ZDHHC11: variants seen among roughly 807,000 people sequenced by gnomAD.
ZDHHC11 encodes zDHHC palmitoyltransferase 11.
A neutral mutation model predicts 51.3 loss-of-function variants in ZDHHC11; 44 were observed. The observed-to-expected ratio is 0.86, with a 90% CI of 0.67 to 1.10. ZDHHC11 has a LOEUF of 1.10. Among genes scored for constraint, ZDHHC11 ranks in the 50% least tolerant of loss-of-function variants. The probability of loss-of-function intolerance (pLI) is 0.00; values close to 1 mark genes in which losing one functional copy is unlikely to be tolerated. For synonymous variants in ZDHHC11, 163 were observed against 222.0 expected, an observed-to-expected ratio of 0.73 and a Z score of 2.36; for missense variants, 400 against 537.7, an observed-to-expected ratio of 0.74 and a Z score of 2.53.
chr5:818,168 C>A (rs1316890254), intron 10 of ZDHHC11, among the ~76,000 whole-genome samples: 1 of 151,166 alleles, frequency 6.6e-6, no homozygotes, highest in Non-Finnish European at 1.5e-5. Flanking sequence ...AAATCGTCAT[C>A]TACACCGAGA....
chr5:855,892 T>C (rs1160175206), upstream of ZDHHC11, among the ~76,000 whole-genome samples: 3 of 114,374 alleles, frequency 2.6e-5, no homozygotes, highest in Non-Finnish European at 5.3e-5. Context: ...CAGAGGACAG[T>C]GAGCAGTGGG....
intron 7 of ZDHHC11, among the ~76,000 whole-genome samples, chr5:827,118 C>G (rs1180949099): frequency 6.7e-5 from 10 of 149,108 alleles, no homozygotes; most frequent in African/African-American, 2.5e-4. Flanking sequence ...ATTTTGTATT[C>G]AGCAAAACTA....
Position 800,997 on chromosome 5 carries a change from G to A in ZDHHC11, c.*7+103C>T, listed in dbSNP as rs1191654322. On this transcript the variant is annotated intron_variant, in intron 12 of 12. Transcript: ENST00000283441. Reference sequence around the variant, plus strand: ...CAAGAGACAAACGACAAGCAGCCCAGCCCTTGAGTTTGCACTGGTGATTTT... The same window carrying A: ...CAAGAGACAAACGACAAGCAGCCCAACCCTTGAGTTTGCACTGGTGATTTT... The A allele has an allele frequency of 1.8e-5, 24 of 1,357,104 alleles. 1 individual carries two copies. In the South Asian group the frequency reaches 2.2e-4, roughly 13 times the overall value. 84.1% of individuals were successfully genotyped at this position (1,357,104 alleles called of 1,614,324 possible).
Position 796,423 on chromosome 5 carries a change from G to A in ZDHHC11, c.*165C>T, listed in dbSNP as rs1369184907. 4.0e-5 allele frequency: 6 copies of A among 149,536 alleles called. No homozygotes were observed. The highest frequency in any genetic ancestry group is 1.5e-4 in the African/African-American group (6 of 40,566). 9.3% of individuals were successfully genotyped at this position (149,536 alleles called of 1,614,324 possible). ...GGGCTCTGAGGGTCCTGGTTCCTTCGAAGGACATCCAGGGGCCTCTGAGAT... is the reference window on the plus strand; with the variant it reads ...GGGCTCTGAGGGTCCTGGTTCCTTCAAAGGACATCCAGGGGCCTCTGAGAT... On this transcript the variant is annotated 3_prime_UTR_variant, in exon 13 of 13. Transcript: ENST00000283441.
chr5:798,460 G>C (rs1306109539), intron 12 of ZDHHC11, among the ~76,000 whole-genome samples: 1 of 151,164 alleles, frequency 6.6e-6, no homozygotes, highest in Admixed American at 6.7e-5. Flanking sequence ...AGCATTGTCC[G>C]ATCCTTGTAA....
At chr5:816,188 TC>T (rs57168940) in intron 10 of ZDHHC11, among the ~76,000 whole-genome samples, 30,992 of 150,970 alleles carry the variant, frequency 0.21, 4,416 homozygotes, top group African/African-American at 0.42. Flanking sequence ...ATATTTTCAT[TC>T]TCTTAATGGT....
intron 10 of ZDHHC11, among the ~76,000 whole-genome samples, chr5:818,835 TG>T (rs1741184440): frequency 6.6e-6 from 1 of 151,426 alleles, no homozygotes; most frequent in Non-Finnish European, 1.5e-5. Context: ...TAATCCATGC[TG>T]GGTGACAGAG....
rs757888541 is a variant in ZDHHC11, at chr5:817,194, C to T, written c.1146+2331G>A. 4.6e-5 allele frequency among the ~76,000 whole-genome samples: 7 copies of T among 151,498 alleles called. 1 individual carries two copies. Among genetic ancestry groups the T allele is most frequent in the Non-Finnish European group, 5.9e-5 (4 of 67,746 alleles). Reference sequence around the variant, plus strand: ...CTCTGAGGTCAAGCTGTGGCCACCTCGGTATGCTGTTTGCATTATTTTAAT... The same window carrying T: ...CTCTGAGGTCAAGCTGTGGCCACCTTGGTATGCTGTTTGCATTATTTTAAT... On this transcript the variant is annotated intron_variant, in intron 10 of 12. Transcript: ENST00000283441.
intron 1 of ZDHHC11, among the ~76,000 whole-genome samples, chr5:856,596 AC>A (rs1748287426): frequency 6.7e-6 from 1 of 148,616 alleles, no homozygotes; most frequent in African/African-American, 2.5e-5. Context: ...ACACGCACAC[AC>A]CTCACGCCAC....
chr5:817,926 G>A (rs1741032644), intron 10 of ZDHHC11, among the ~76,000 whole-genome samples: 2 of 151,582 alleles, frequency 1.3e-5, no homozygotes, highest in Middle Eastern at 3.4e-3. Context: ...GCGATGGACT[G>A]TAGGTCTGTG....
chr5:855,022 CA>C (rs1747956968), upstream of ZDHHC11, among the ~76,000 whole-genome samples: 1 of 133,658 alleles, frequency 7.5e-6, no homozygotes, highest in Non-Finnish European at 1.6e-5. Flanking sequence ...GACAGTGAGC[CA>C]GGGGGACAGA....
At chr5:821,186 GAGA>G (rs1741514057) in intron 9 of ZDHHC11, 1 of 151,396 alleles carries the variant, frequency 6.6e-6, no homozygotes, top group Admixed American at 6.6e-5. Context: ...CCCGGGGCAG[GAGA>G]AGAAGGAAGA....
intron 1 of ZDHHC11, among the ~76,000 whole-genome samples, chr5:858,140 TC>T (rs1279970651): frequency 8.3e-6 from 1 of 120,918 alleles, no homozygotes; most frequent in East Asian, 2.6e-4. Flanking sequence ...GACACCGTGG[TC>T]CCCCGGGTCT....
In ZDHHC11 at chr5:850,387, G is replaced by C; in HGVS notation, c.216C>G (p.Ala72=). ...PFLPHAWKYI[A]YVVTGGIFSF... The stretch of plus-strand genomic sequence containing the variant: ...GCCACGATGAAAAGGATACCACGTA[G>C]GCAATGTATTTCCACGCGTGAGGCA... Residue 72 remains alanine (A), a synonymous_variant, in exon 1 of 13, where the codon GCC becomes GCG. Transcript: ENST00000283441. The C allele has an allele frequency of 6.2e-7, 1 of 1,613,618 alleles. No individual in the cohort carries two copies. The highest frequency in any genetic ancestry group is 8.5e-7 in the Non-Finnish European group (1 of 1,180,000).
At chr5:809,016 C>CAG (rs1739724987) in intron 11 of ZDHHC11, among the ~76,000 whole-genome samples, 1 of 147,386 alleles carries the variant, frequency 6.8e-6, no homozygotes, top group African/African-American at 2.5e-5. Flanking sequence ...CACACACACG[C>CAG]ACACTATTTA....
At chr5:814,729 A>T (rs753154613) in intron 11 of ZDHHC11, 32 bp downstream of exon 11, 1 of 1,543,002 alleles carries the variant, frequency 6.5e-7, no homozygotes, top group East Asian at 2.4e-5. Context: ...GTAGAGACAG[A>T]CAAAACGTTC....
At chr5:852,164 A>G (rs1172480460), upstream of ZDHHC11, among the ~76,000 whole-genome samples, 1 of 152,198 alleles carries the variant, frequency 6.6e-6, no homozygotes, top group Admixed American at 6.5e-5. Context: ...TAAAAACAAA[A>G]CCCAAATGAA....
chr5:805,625 T>C (rs1435557427), intron 11 of ZDHHC11, among the ~76,000 whole-genome samples: 2 of 151,260 alleles, frequency 1.3e-5, no homozygotes, highest in Non-Finnish European at 3.0e-5. Flanking sequence ...TAAAAATATA[T>C]ATGATATACA....
At chr5:850,165 C>T (rs67302258) in intron 1 of ZDHHC11, 27,643 of 588,340 alleles carry the variant, frequency 0.047, 745 homozygotes, top group African/African-American at 0.083. Flanking sequence ...TCTCCGGAGC[C>T]CCCTCAGCCA....
Sources: gnomAD v4.1 joint callset for allele counts (sites outside exome capture counted in the v4.1 genomes callset) on GRCh38, gnomAD v4.1.1 for gene constraint, MANE v1.5 for transcripts, NCBI Gene and HGNC (gene_info 2026-07-23, HGNC 2026-07-21) for gene names.